The following COL19A1 variants were observed in gnomAD, a reference collection of about 807,000 sequenced individuals.
The protein encoded by COL19A1 is collagen alpha-1(XIX) chain.
COL19A1 carries 159 observed loss-of-function variants against 190.2 expected under a neutral mutation model. The observed-to-expected ratio is 0.84, with a 90% confidence interval of 0.73 to 0.95. The LOEUF (loss-of-function observed/expected upper bound fraction) is 0.95, where lower values mean the gene tolerates loss of function less well. Among genes scored for constraint, COL19A1 ranks in the 40% least tolerant of loss-of-function variants. The pLI, the probability that COL19A1 is intolerant of heterozygous loss-of-function variation, is 0.00. For synonymous variants in COL19A1, 509 were observed against 458.9 expected (o/e 1.11, Z -1.39); for missense variants, 1,418 against 1,431.9 (o/e 0.99, Z 0.16).
chr6:69,972,563 A>G (rs566870626), intron 11 of COL19A1, among the ~76,000 whole-genome samples: 2 of 152,352 alleles, frequency 1.3e-5, no homozygotes, highest in Non-Finnish European at 2.9e-5. Context: ...GATGCATTCA[A>G]TTCAGTATCA....
intron 14 of COL19A1, among the ~76,000 whole-genome samples, chr6:70,044,887 A>G (rs1301099516): frequency 6.6e-6 from 1 of 152,112 alleles, no homozygotes; most frequent in Non-Finnish European, 1.5e-5. Context: ...TTTTTAGTAT[A>G]GATACTATAT....
intron 7 of COL19A1, among the ~76,000 whole-genome samples, chr6:69,935,491 T>G (rs1460949472): frequency 6.6e-6 from 1 of 152,080 alleles, no homozygotes; most frequent in East Asian, 1.9e-4. Context: ...ATGAGATGAA[T>G]GAACTGTTTT....
At chr6:70,206,454 C>A (rs911010237) in intron 49 of COL19A1, among the ~76,000 whole-genome samples, 4 of 152,038 alleles carry the variant, frequency 2.6e-5, no homozygotes, top group Non-Finnish European at 5.9e-5. Flanking sequence ...CATGGCAAAA[C>A]CCTGCCTCCA....
intron 18 of COL19A1, chr6:70,130,976 A>G: frequency 4.6e-6 from 2 of 437,454 alleles, no homozygotes; most frequent in Non-Finnish European, 9.5e-6. Flanking sequence ...TAGTGGTTTA[A>G]CCAAATAATT....
At chr6:70,061,266 T>C (rs1780813187) in intron 14 of COL19A1, among the ~76,000 whole-genome samples, 1 of 152,184 alleles carries the variant, frequency 6.6e-6, no homozygotes, top group East Asian at 1.9e-4. Context: ...TAATGTTCAA[T>C]ACTCTTCTCA....
Position 70,165,921 on chromosome 6 carries a change from T to G in COL19A1, c.2401-20T>G, listed in dbSNP as rs755311075. On this transcript the variant is annotated intron_variant, in intron 36 of 50. Coordinates refer to ENST00000620364, the MANE Select transcript of COL19A1 (RefSeq NM_001858.6). Reference sequence around the variant, plus strand: ...GGTAGAAACGTCTACGCCGCTGATATGTCTATATATCCCTTGCAGGGCAGC... The same window carrying G: ...GGTAGAAACGTCTACGCCGCTGATAGGTCTATATATCCCTTGCAGGGCAGC... 2 of 1,612,880 alleles carry G rather than the reference T, an allele frequency of 1.2e-6. No individual in the cohort carries two copies. Among genetic ancestry groups the G allele is most frequent in the South Asian group, 2.2e-5 (2 of 91,010 alleles).
intron 14 of COL19A1, among the ~76,000 whole-genome samples, chr6:70,065,652 G>A (rs150698414): frequency 0.057 from 8,662 of 151,982 alleles, 824 homozygotes; most frequent in African/African-American, 0.2. Flanking sequence ...AAAAGAAACT[G>A]CCATCAGAGT....
rs530659797 is a variant in COL19A1, at chr6:70,146,848, G to A, written c.1852G>A (p.Gly618Arg). 4 of 1,594,298 alleles carry A rather than the reference G, an allele frequency of 2.5e-6. No homozygotes were observed. The highest frequency in any genetic ancestry group is 3.4e-6 in the Non-Finnish European group (4 of 1,172,110). Residue 618 changes from glycine to arginine, a missense_variant, in exon 27 of 51, where the codon GGG (glycine) becomes AGG (arginine). Gly to Arg is a moderately radical substitution (Grantham distance 125). Transcript: ENST00000620364. The part of the protein sequence containing the change: ...RGLPGVHGSP[G>R]DIGPQGIGIP... ...ACTTCCAGGTGTTCACGGTTCCCCAGGGGACATAGGCCCACAAGGGATAGG... is the reference window on the plus strand; with the variant it reads ...ACTTCCAGGTGTTCACGGTTCCCCAAGGGACATAGGCCCACAAGGGATAGG...
In COL19A1 at chr6:69,899,165, A is replaced by AT. The variant is rs112888229; in HGVS notation, c.166+160dup. 60,253 of 423,964 alleles carry AT rather than the reference A, an allele frequency of 0.14. 1,057 individuals carry two copies. Among genetic ancestry groups the AT allele is most frequent in the Middle Eastern group, 0.19 (269 of 1,446 alleles). 26.3% of individuals were successfully genotyped at this position (423,964 alleles called of 1,614,324 possible). Reference sequence around the variant, plus strand: ...GTGAAAATTTTAAGAATTCTTTTTAATTTTTTTTTTTTTTTTTGAGACAGG... The same window carrying AT: ...GTGAAAATTTTAAGAATTCTTTTTAATTTTTTTTTTTTTTTTTTGAGACAGG... On this transcript the variant is annotated intron_variant, in intron 3 of 50. Transcript: ENST00000620364.
At chr6:70,069,195 C>T (rs1781414980) in intron 15 of COL19A1, among the ~76,000 whole-genome samples, 1 of 152,138 alleles carries the variant, frequency 6.6e-6, no homozygotes, top group South Asian at 2.1e-4. Context: ...CTGTCAACTT[C>T]TGTTCCCTTG....
intron 12 of COL19A1, among the ~76,000 whole-genome samples, chr6:70,026,832 T>G (rs1778754145): frequency 6.6e-6 from 1 of 152,200 alleles, no homozygotes; most frequent in Non-Finnish European, 1.5e-5. Flanking sequence ...CTTCAGAAAT[T>G]AAGCAACTTT....
chr6:70,074,968 T>G (rs1386920330), intron 15 of COL19A1, among the ~76,000 whole-genome samples: 1 of 150,318 alleles, frequency 6.7e-6, no homozygotes, highest in African/African-American at 2.5e-5. Flanking sequence ...TCTTTTTTGC[T>G]TGGATTCATC....
chr6:70,065,508 G>C (rs947745495), intron 14 of COL19A1, among the ~76,000 whole-genome samples: 9 of 152,136 alleles, frequency 5.9e-5, no homozygotes, highest in Admixed American at 3.9e-4. Flanking sequence ...AAAAACCCTA[G>C]AAGAAAACCT....
At chr6:70,071,540 T>C (rs1781557338) in intron 15 of COL19A1, among the ~76,000 whole-genome samples, 2 of 152,156 alleles carry the variant, frequency 1.3e-5, no homozygotes, top group Non-Finnish European at 2.9e-5. Flanking sequence ...CTGATTTTCA[T>C]TTTTTGGATC....
chr6:69,879,409 A>G (rs970924151), intron 1 of COL19A1, 127 bp from the exon 2 acceptor site: 26 of 609,472 alleles, frequency 4.3e-5, no homozygotes, highest in South Asian at 2.9e-4. Context: ...ATATATAATC[A>G]TATTTCCTGT....
chr6:70,141,685 T>C (rs1336964254), intron 20 of COL19A1, among the ~76,000 whole-genome samples: 4 of 152,070 alleles, frequency 2.6e-5, no homozygotes, highest in Non-Finnish European at 5.9e-5. Flanking sequence ...GGAAAAATTA[T>C]TATAATGAAG....
chr6:70,204,733 A>C (rs1175387510), intron 49 of COL19A1, among the ~76,000 whole-genome samples: 1 of 152,202 alleles, frequency 6.6e-6, no homozygotes, highest in Non-Finnish European at 1.5e-5. Context: ...TCAAAAGTTC[A>C]TGTATCTTCA....
chr6:70,071,818 C>T (rs151237855), intron 15 of COL19A1, among the ~76,000 whole-genome samples: 430 of 151,966 alleles, frequency 2.8e-3, no homozygotes, highest in Admixed American at 5.5e-3. Context: ...CCGTACAGAA[C>T]CAAGAAGTCA....
chr6:69,876,762 G>A (rs1768156105), intron 1 of COL19A1, among the ~76,000 whole-genome samples: 1 of 152,132 alleles, frequency 6.6e-6, no homozygotes, highest in African/African-American at 2.4e-5. Flanking sequence ...CAATATTTAT[G>A]AGTTCCTTCC....
Sources: allele counts gnomAD v4.1 joint callset (sites outside exome capture counted in the v4.1 genomes callset), GRCh38; gene constraint gnomAD v4.1.1; transcripts MANE v1.5; gene names NCBI Gene and HGNC (gene_info 2026-07-23, HGNC 2026-07-21).